ZNF365: variants seen among roughly 807,000 people sequenced by gnomAD.
ZNF365 encodes protein ZNF365.
A neutral mutation model predicts 35.0 loss-of-function variants in ZNF365; 22 were observed. The observed-to-expected ratio is 0.63, with a 90% confidence interval of 0.45 to 0.90. The LOEUF (loss-of-function observed/expected upper bound fraction) is 0.90. Among genes scored for constraint, ZNF365 ranks in the 40% least tolerant of loss-of-function variants. The probability of loss-of-function intolerance (pLI) is 0.00; values close to 1 mark genes in which losing one functional copy is unlikely to be tolerated. For missense variants in ZNF365, 448 were observed against 500.3 expected (o/e 0.90, Z 1.00); for synonymous variants, 188 against 196.2 (o/e 0.96, Z 0.35).
chr10:62,422,792 G>GTAGAGTA (rs1260222611), intron 3 of ZNF365, among the ~76,000 whole-genome samples: 4 of 152,038 alleles, frequency 2.6e-5, no homozygotes, highest in Non-Finnish European at 5.9e-5. Flanking sequence ...TTGGGTGTTC[G>GTAGAGTA]TAGAGTACTC....
rs534804292 is a variant in ZNF365, at chr10:62,457,519, G to T, written c.925-2222G>T. 3.9e-5 allele frequency among the ~76,000 whole-genome samples: 6 copies of T among 152,294 alleles called. No individual in the cohort carries two copies. The South Asian group carries it at 1.2e-3, about 32-fold the overall frequency. On this transcript the variant is annotated intron_variant, in intron 3 of 4. Coordinates refer to the ZNF365 transcript ENST00000395255. ...AAGGCTTACTTCAAATGAAGGTTAG[G>T]GTTCTGCTAGCTACATATAGGGGAA...
In ZNF365 at chr10:62,402,140, A is replaced by G. The variant is rs1433442327; in HGVS notation, c.*2351A>G. The G allele has an allele frequency of 2.0e-6, 2 of 985,834 alleles. No homozygotes were observed. Among genetic ancestry groups the G allele is most frequent in the African/African-American group, 3.5e-5 (2 of 57,230 alleles). The allele number at this position is 985,834 out of a possible 1,614,324, so 61.1% of individuals were successfully genotyped here. A position where few individuals can be genotyped will look rare whatever the true frequency, so the allele number is the denominator to read the frequency against. ...CACATGGGCCGTTGACCTTAGAGTTAAGGCGGTTGCTTTTTTGAAGAAATC... is the reference window on the plus strand; with the variant it reads ...CACATGGGCCGTTGACCTTAGAGTTGAGGCGGTTGCTTTTTTGAAGAAATC... On this transcript the variant is annotated 3_prime_UTR_variant, in exon 5 of 5. Coordinates refer to ENST00000395254, the MANE Select transcript of ZNF365 (RefSeq NM_014951.3).
intron 4 of ZNF365, among the ~76,000 whole-genome samples, chr10:62,399,148 C>A (rs1331169278): frequency 6.6e-6 from 1 of 152,176 alleles, no homozygotes; most frequent in East Asian, 1.9e-4. Flanking sequence ...TGCTTTACAA[C>A]ATCTATGCAG....
intron 3 of ZNF365, chr10:62,459,602 C>G: frequency 1.1e-6 from 1 of 938,124 alleles, no homozygotes; most frequent in Non-Finnish European, 1.6e-6. Flanking sequence ...AATGCAATTT[C>G]TGTTTCTAGC....
At chr10:62,478,346 G>A (rs557324150) in intron 4 of ZNF365, among the ~76,000 whole-genome samples, 1 of 152,310 alleles carries the variant, frequency 6.6e-6, no homozygotes, top group African/African-American at 2.4e-5. Flanking sequence ...AGAGAGGGAA[G>A]GATTGCTTGA....
intron 2 of ZNF365, among the ~76,000 whole-genome samples, chr10:62,388,003 G>A (rs1839552305): frequency 6.6e-6 from 1 of 152,020 alleles, no homozygotes; most frequent in Non-Finnish European, 1.5e-5. Flanking sequence ...GCTGTCCCTG[G>A]TTTGCTCTTC....
intron 2 of ZNF365, among the ~76,000 whole-genome samples, chr10:62,382,730 T>C (rs1406171640): frequency 5.9e-5 from 9 of 152,166 alleles, no homozygotes; most frequent in Admixed American, 4.6e-4. Flanking sequence ...GCCGACTCCA[T>C]GCTATGGGTT....
At chr10:62,388,677 C>A in intron 3 of ZNF365, 101 bp downstream of exon 3, 1 of 1,373,604 alleles carries the variant, frequency 7.3e-7, no homozygotes, top group South Asian at 1.4e-5. Context: ...CAGGGACTCT[C>A]TAGACATCAT....
In ZNF365 at chr10:62,399,453, T is replaced by C. The variant is rs1000936504; in HGVS notation, c.963-75T>C. On this transcript the variant is annotated intron_variant, in intron 4 of 4. Transcript: ENST00000395254. ...GTAGGAGAGATTGTGCCATGAGTAA[T>C]TATTCTTTTAAGGTTTTAAAGAAAT... The C allele has an allele frequency of 1.7e-5, 27 of 1,558,202 alleles. No homozygotes were observed. The African/African-American group carries it at 2.7e-4, about 16-fold the overall frequency.
At chr10:62,414,252 T>C (rs1447367547) in intron 3 of ZNF365, among the ~76,000 whole-genome samples, 1 of 152,048 alleles carries the variant, frequency 6.6e-6, no homozygotes, top group Non-Finnish European at 1.5e-5. Context: ...CAGGCTGGAA[T>C]GCAATGGTGC....
At chr10:62,430,966 T>C (rs1173824505) in intron 3 of ZNF365, among the ~76,000 whole-genome samples, 5 of 152,240 alleles carry the variant, frequency 3.3e-5, no homozygotes, top group Non-Finnish European at 7.3e-5. Context: ...TATCATTTTG[T>C]GGCTGTTTAT....
At chr10:62,387,066 G>T (rs1322307688) in intron 2 of ZNF365, among the ~76,000 whole-genome samples, 2 of 152,214 alleles carry the variant, frequency 1.3e-5, no homozygotes, top group African/African-American at 4.8e-5. Flanking sequence ...CCAACGGACA[G>T]TAAAATTATG....
intron 3 of ZNF365, among the ~76,000 whole-genome samples, chr10:62,397,337 C>A (rs886976658): frequency 2.0e-5 from 3 of 152,016 alleles, no homozygotes; most frequent in Admixed American, 6.6e-5. Context: ...GGCAGTGATC[C>A]TGTTAGGCTG....
intron 3 of ZNF365, among the ~76,000 whole-genome samples, chr10:62,408,686 A>G (rs1308918096): frequency 6.6e-6 from 1 of 152,090 alleles, no homozygotes; most frequent in Non-Finnish European, 1.5e-5. Flanking sequence ...CTGTTGGGGG[A>G]TATATGGGCC....
intron 3 of ZNF365, among the ~76,000 whole-genome samples, chr10:62,413,425 T>C (rs200262957): frequency 6.6e-6 from 1 of 152,202 alleles, no homozygotes; most frequent in South Asian, 2.1e-4. Flanking sequence ...TAAGGGAACA[T>C]GCATTAACGT....
intron 3 of ZNF365, 135 bp from the exon 4 acceptor site, chr10:62,398,605 G>A (rs1002379925): frequency 2.8e-6 from 2 of 721,010 alleles, no homozygotes; most frequent in Middle Eastern, 5.5e-4. Context: ...GGATGGTGCT[G>A]CAGGTCGTGC....
At chr10:62,424,675 A>T (rs746394594) in intron 3 of ZNF365, among the ~76,000 whole-genome samples, 15 of 152,218 alleles carry the variant, frequency 9.9e-5, no homozygotes, top group Non-Finnish European at 1.9e-4. Flanking sequence ...TATTTCTGAT[A>T]TAACCAAAGT....
chr10:62,479,133 G>C (rs1342972099), intron 4 of ZNF365, among the ~76,000 whole-genome samples: 7 of 152,174 alleles, frequency 4.6e-5, no homozygotes, highest in Non-Finnish European at 8.8e-5. Flanking sequence ...ACTGAATGCT[G>C]TCTTACTAAG....
chr10:62,376,939 A>T lies in ZNF365; in HGVS notation c.743+3A>T. On this transcript the variant is annotated splice_donor_region_variant and intron_variant, in intron 2 of 4. Coordinates refer to ENST00000395254, the MANE Select transcript of ZNF365 (RefSeq NM_014951.3). The stretch of plus-strand genomic sequence containing the variant: ...GAGGAGCTTCTTAGGAAAGAAGAGT[A>T]AGTGTTGCTGACAGGGGATGCTAAC... The T allele has an allele frequency of 8.1e-6, 13 of 1,595,458 alleles. No homozygotes were observed. Among genetic ancestry groups the T allele is most frequent in the African/African-American group, 1.4e-5 (1 of 69,898 alleles).
Sources: allele counts gnomAD v4.1 joint callset (sites outside exome capture counted in the v4.1 genomes callset), GRCh38; gene constraint gnomAD v4.1.1; transcripts MANE v1.5; gene names NCBI Gene and HGNC (gene_info 2026-07-23, HGNC 2026-07-21).